MYO3A: variants seen among roughly 807,000 people sequenced by gnomAD.
The protein encoded by MYO3A is myosin IIIA, also known as myosin-IIIa.
In MYO3A, 180 loss-of-function variants were observed where a neutral mutation model predicts 192.7. The observed-to-expected ratio is 0.93, with a 90% CI of 0.83 to 1.06. The LOEUF is 1.06. Ranked by LOEUF, MYO3A falls within the 50% of genes least tolerant of loss-of-function variation. The pLI, the probability that MYO3A is intolerant of heterozygous loss-of-function variation, is 0.00. For missense variants in MYO3A, 1,896 were observed against 1,905.0 expected (o/e 1.00, Z 0.09); for synonymous variants, 628 against 645.3 (o/e 0.97, Z 0.41).
chr10:26,019,217 C>CTATT lies in MYO3A; in HGVS notation c.586-2236_586-2233dup, dbSNP rs201592333. 6.0e-3 allele frequency among the ~76,000 whole-genome samples: 835 copies of CTATT among 139,544 alleles called. 10 individuals carry two copies. Among genetic ancestry groups the CTATT allele is most frequent in the African/African-American group, 0.018 (692 of 37,712 alleles). The allele number at this position is 139,544 out of a possible 152,430, so 91.5% of individuals were successfully genotyped here. ...TGTGGACTGGCCTTTTCTGGTTATT[C>CTATT]TATTTATTTATTTATTTATTTATTT... On this transcript the variant is annotated intron_variant, in intron 7 of 34. Coordinates refer to ENST00000642920, the MANE Select transcript of MYO3A (RefSeq NM_017433.5).
intron 20 of MYO3A, among the ~76,000 whole-genome samples, chr10:26,137,333 G>A (rs143918978): frequency 2.8e-4 from 42 of 152,264 alleles, no homozygotes; most frequent in African/African-American, 8.9e-4. Flanking sequence ...CTGGAGCTGC[G>A]GCAGAGGAAC....
At chr10:26,088,792 A>G (rs1220190708) in intron 15 of MYO3A, among the ~76,000 whole-genome samples, 1 of 152,212 alleles carries the variant, frequency 6.6e-6, no homozygotes, top group Non-Finnish European at 1.5e-5. Context: ...AGATCTTTGT[A>G]TTCTATTCTT....
chr10:26,101,577 T>G (rs1331079989), intron 17 of MYO3A, among the ~76,000 whole-genome samples: 2 of 152,212 alleles, frequency 1.3e-5, no homozygotes, highest in African/African-American at 2.4e-5. Flanking sequence ...CAGGAGCTCT[T>G]GTAAGGCAGG....
At chr10:26,202,684 A>C (rs955847718) in intron 33 of MYO3A, 5 of 381,334 alleles carry the variant, frequency 1.3e-5, no homozygotes, top group Non-Finnish European at 2.4e-5. Flanking sequence ...ATCACTGGCT[A>C]TTCTAGTAAC....
chr10:26,086,766 C>T (rs985940402), intron 14 of MYO3A, among the ~76,000 whole-genome samples: 8 of 152,024 alleles, frequency 5.3e-5, no homozygotes, highest in Non-Finnish European at 8.8e-5. Context: ...ATGTGGGGCA[C>T]GGGGGCAGTG....
chr10:25,953,462 A>G (rs2130565764), intron 3 of MYO3A, among the ~76,000 whole-genome samples: 1 of 152,216 alleles, frequency 6.6e-6, no homozygotes. Context: ...GAATGTCTTC[A>G]CATTCTCTTG....
intron 31 of MYO3A, among the ~76,000 whole-genome samples, chr10:26,180,027 G>C (rs1317237161): frequency 6.6e-6 from 1 of 151,974 alleles, no homozygotes; most frequent in African/African-American, 2.4e-5. Context: ...TAGAGATGGG[G>C]TTTCACCATG....
intron 28 of MYO3A, among the ~76,000 whole-genome samples, chr10:26,169,291 C>T (rs1048983858): frequency 6.6e-6 from 1 of 152,100 alleles, no homozygotes; most frequent in African/African-American, 2.4e-5. Flanking sequence ...TTTCTGTTAA[C>T]TGTAGAGAAA....
intron 6 of MYO3A, among the ~76,000 whole-genome samples, chr10:25,998,932 C>G (rs1349610605): frequency 6.6e-6 from 1 of 152,156 alleles, no homozygotes; most frequent in Non-Finnish European, 1.5e-5. Context: ...GAGTCTCACT[C>G]TGTCGCCCAG....
rs540738031 is a variant in MYO3A, at chr10:25,976,735, T to G, written c.304-19755T>G. On this transcript the variant is annotated intron_variant, in intron 4 of 34. Transcript: ENST00000642920. The stretch of plus-strand genomic sequence containing the variant: ...TCAATTTTGTTTGATTAAAGAACAC[T>G]AAGGTCTATTTTAGCATTGTGTTGC... Among the ~76,000 whole-genome samples the G allele has an allele frequency of 9.9e-5, 15 of 152,050 alleles. No homozygotes were observed. The South Asian group carries it at 3.1e-3, about 31-fold the overall frequency.
chr10:26,193,077 G>C (rs761629025), intron 31 of MYO3A, 128 bp from the exon 32 acceptor site: 1 of 779,060 alleles, frequency 1.3e-6, no homozygotes, highest in Non-Finnish European at 2.2e-6. Flanking sequence ...TGCAGCAAAC[G>C]TATTTCCTTT....
chr10:26,125,096 A>T lies in MYO3A; in HGVS notation c.1904-302A>T, dbSNP rs577364674. Among the ~76,000 whole-genome samples the T allele has an allele frequency of 1.1e-4, 16 of 152,328 alleles. 1 individual carries two copies. The South Asian group carries it at 2.9e-3, about 28-fold the overall frequency. Reference sequence around the variant, plus strand: ...AAAATTATTTAGCATAATTTAGTGAAACTATATTTGACATCACATAAACAA... The same window carrying T: ...AAAATTATTTAGCATAATTTAGTGATACTATATTTGACATCACATAAACAA... On this transcript the variant is annotated intron_variant, in intron 18 of 34. Coordinates refer to ENST00000642920, the MANE Select transcript of MYO3A (RefSeq NM_017433.5).
chr10:26,144,835 C>T (rs1840358488), intron 21 of MYO3A, among the ~76,000 whole-genome samples: 1 of 152,074 alleles, frequency 6.6e-6, no homozygotes, highest in Admixed American at 6.6e-5. Context: ...GATCCCACCC[C>T]AAACCTACTG....
At chr10:26,172,027 T>C (rs1232661885) in intron 29 of MYO3A, among the ~76,000 whole-genome samples, 1 of 152,156 alleles carries the variant, frequency 6.6e-6, no homozygotes, top group Non-Finnish European at 1.5e-5. Flanking sequence ...TGGTCTGGGA[T>C]GGAGAATTTG....
intron 14 of MYO3A, among the ~76,000 whole-genome samples, chr10:26,077,009 T>C (rs1016298188): frequency 6.6e-6 from 1 of 152,054 alleles, no homozygotes; most frequent in Non-Finnish European, 1.5e-5. Flanking sequence ...AATTTTAGAA[T>C]TGTTTTTTCC....
chr10:26,183,948 C>T (rs994723822), intron 31 of MYO3A, among the ~76,000 whole-genome samples: 6 of 151,994 alleles, frequency 3.9e-5, no homozygotes, highest in African/African-American at 9.7e-5. Flanking sequence ...ATTAAGGGTA[C>T]GAAGGCTCAG....
At chr10:26,193,531 C>G (rs572190181) in intron 32 of MYO3A, among the ~76,000 whole-genome samples, 1 of 152,280 alleles carries the variant, frequency 6.6e-6, no homozygotes, top group South Asian at 2.1e-4. Flanking sequence ...GTAGTACCTA[C>G]CATGTCCTCC....
chr10:25,994,557 T>G (rs1478761842), intron 4 of MYO3A, among the ~76,000 whole-genome samples: 1 of 152,220 alleles, frequency 6.6e-6, no homozygotes, highest in Admixed American at 6.5e-5. Flanking sequence ...CCTGTCATGA[T>G]GTTAGCTGGT....
At chr10:26,162,627 T>C (rs1841537796) in intron 26 of MYO3A, among the ~76,000 whole-genome samples, 1 of 152,264 alleles carries the variant, frequency 6.6e-6, no homozygotes, top group Non-Finnish European at 1.5e-5. Context: ...AAGACTTCTT[T>C]ATAAAGTCTT....
Sources: allele counts gnomAD v4.1 joint callset (sites outside exome capture counted in the v4.1 genomes callset), GRCh38; gene constraint gnomAD v4.1.1; transcripts MANE v1.5; gene names NCBI Gene and HGNC (gene_info 2026-07-23, HGNC 2026-07-21).